The following CNTN4 variants were observed in gnomAD, a reference collection of about 807,000 sequenced individuals.
CNTN4 encodes contactin-4.
A neutral mutation model predicts 122.5 loss-of-function variants in CNTN4; 77 were observed. That is an observed-to-expected ratio of 0.63 (90% CI 0.52 to 0.76). The LOEUF (loss-of-function observed/expected upper bound fraction) is 0.76, where lower values mean the gene tolerates loss of function less well. Among genes scored for constraint, CNTN4 ranks in the 30% least tolerant of loss-of-function variants. The probability of loss-of-function intolerance (pLI) is 0.00; values close to 1 mark genes in which losing one functional copy is unlikely to be tolerated. For missense variants in CNTN4, 1,256 were observed against 1,259.1 expected, an observed-to-expected ratio of 1.00 and a Z score of 0.04; for synonymous variants, 512 against 447.0, an observed-to-expected ratio of 1.15 and a Z score of -1.83.
intron 2 of CNTN4, among the ~76,000 whole-genome samples, chr3:2,215,244 C>CTA (rs2038788764): frequency 6.6e-6 from 1 of 152,132 alleles, no homozygotes; most frequent in South Asian, 2.1e-4. Context: ...AAATGACATG[C>CTA]TATAATACAA....
At chr3:2,823,706 G>T (rs969771289) in intron 7 of CNTN4, among the ~76,000 whole-genome samples, 1 of 152,106 alleles carries the variant, frequency 6.6e-6, no homozygotes, top group Non-Finnish European at 1.5e-5. Flanking sequence ...CGTTAAATAG[G>T]AATAGAACAG....
intron 3 of CNTN4, among the ~76,000 whole-genome samples, chr3:2,549,768 A>G (rs927165538): frequency 7.9e-5 from 12 of 152,100 alleles, no homozygotes; most frequent in Non-Finnish European, 8.8e-5. Flanking sequence ...AGTTTCAGAA[A>G]GAATGGTACT....
intron 3 of CNTN4, among the ~76,000 whole-genome samples, chr3:2,548,956 C>G (rs968872581): frequency 1.3e-5 from 2 of 152,036 alleles, no homozygotes; most frequent in African/African-American, 4.8e-5. Flanking sequence ...TGGGAGTTAA[C>G]TCATGATTTG....
chr3:2,388,771 G>A (rs1158485167), intron 3 of CNTN4, among the ~76,000 whole-genome samples: 1 of 150,254 alleles, frequency 6.7e-6, no homozygotes, highest in Non-Finnish European at 1.5e-5. Context: ...CTTCAACCTG[G>A]GAGGTAGAGG....
At chr3:2,172,726 T>C (rs1190172466) in intron 2 of CNTN4, among the ~76,000 whole-genome samples, 4 of 152,054 alleles carry the variant, frequency 2.6e-5, no homozygotes, top group African/African-American at 9.7e-5. Context: ...CTAGCTGCAG[T>C]GTATAGCAGA....
chr3:2,467,665 A>G (rs956987887), intron 3 of CNTN4, among the ~76,000 whole-genome samples: 8 of 152,236 alleles, frequency 5.3e-5, no homozygotes, highest in Non-Finnish European at 8.8e-5. Context: ...GTAGTTATGC[A>G]CTAATTAATA....
At chr3:2,102,407 A>T (rs1338895732) in intron 2 of CNTN4, among the ~76,000 whole-genome samples, 2 of 152,242 alleles carry the variant, frequency 1.3e-5, no homozygotes, top group African/African-American at 2.4e-5. Context: ...GGGATTAAAC[A>T]TGAGAGCATG....
chr3:2,226,760 G>T (rs1296748658), intron 2 of CNTN4, among the ~76,000 whole-genome samples: 1 of 152,022 alleles, frequency 6.6e-6, no homozygotes, highest in Admixed American at 6.6e-5. Flanking sequence ...CTATGAAAAT[G>T]CAAGTATTAT....
rs542512602 is a variant in CNTN4 at position 2,406,047 on chromosome 3, G to A, written c.-89+66814G>A. Among the ~76,000 whole-genome samples, 5 of 151,328 alleles carry A rather than the reference G, an allele frequency of 3.3e-5. No individual in the cohort carries two copies. The South Asian group carries it at 6.3e-4, about 19-fold the overall frequency. On this transcript the variant is annotated intron_variant, in intron 3 of 24. Transcript: ENST00000418658. ...ATCTTAAAAAAAAGAAAAAAAACAGGGAAAGAGAAAAAAAAAACTATGGTA... is the reference window on the plus strand; with the variant it reads ...ATCTTAAAAAAAAGAAAAAAAACAGAGAAAGAGAAAAAAAAAACTATGGTA...
rs181977811 is a variant in CNTN4 at position 3,037,350 on chromosome 3, G to A, written c.2092+22G>A. 174 of 1,614,100 alleles carry A rather than the reference G, an allele frequency of 1.1e-4. No individual in the cohort carries two copies. In the African/African-American group the frequency reaches 2.0e-3, roughly 19 times the overall value. ...GCTCGTGAGTAGCACCCGAGATTCA[G>A]ATCATCTGTTCTGCCAGCTGCTGTT... On this transcript the variant is annotated intron_variant, in intron 18 of 24. Transcript: ENST00000418658.
Position 2,165,918 on chromosome 3 carries a change from A to G in CNTN4, c.-145+65279A>G, listed in dbSNP as rs554264218. 2.7e-4 allele frequency among the ~76,000 whole-genome samples: 41 copies of G among 152,260 alleles called. 2 individuals are homozygous for G. In the South Asian group the frequency reaches 8.5e-3, roughly 32 times the overall value. On this transcript the variant is annotated intron_variant, in intron 2 of 24. Transcript: ENST00000418658. Reference sequence around the variant, plus strand: ...TGTGGAATATTATATTACTATTAATATTATATGCTATATTTTATATATACC... The same window carrying G: ...TGTGGAATATTATATTACTATTAATGTTATATGCTATATTTTATATATACC...
chr3:2,964,674 C>G (rs1376780295), intron 13 of CNTN4, among the ~76,000 whole-genome samples: 1 of 152,190 alleles, frequency 6.6e-6, no homozygotes, highest in African/African-American at 2.4e-5. Context: ...ATAATAATAG[C>G]AAACACCAGT....
intron 2 of CNTN4, among the ~76,000 whole-genome samples, chr3:2,200,365 C>T (rs969729725): frequency 7.2e-5 from 11 of 152,162 alleles, no homozygotes; most frequent in African/African-American, 2.2e-4. Context: ...ATGGGGATTA[C>T]AGATAAATCA....
intron 7 of CNTN4, among the ~76,000 whole-genome samples, chr3:2,859,357 C>T (rs979839990): frequency 1.3e-5 from 2 of 152,164 alleles, no homozygotes; most frequent in Non-Finnish European, 2.9e-5. Flanking sequence ...ACTAGTGCTA[C>T]AATAAACATG....
intron 8 of CNTN4, among the ~76,000 whole-genome samples, chr3:2,875,821 A>G (rs1481974524): frequency 1.3e-5 from 2 of 152,218 alleles, no homozygotes; most frequent in African/African-American, 4.8e-5. Context: ...ACTTTTTAGT[A>G]GGAAAAACAT....
chr3:2,831,575 C>T (rs1436126302), intron 7 of CNTN4, among the ~76,000 whole-genome samples: 6 of 152,246 alleles, frequency 3.9e-5, no homozygotes, highest in South Asian at 4.2e-4. Flanking sequence ...CATCTCCAGC[C>T]GAAACACACC....
intron 4 of CNTN4, among the ~76,000 whole-genome samples, chr3:2,590,508 C>T (rs553726979): frequency 4.0e-5 from 6 of 151,824 alleles, no homozygotes; most frequent in East Asian, 2.0e-4. Context: ...CTGCCTGCCT[C>T]GCACTTTTCT....
rs1166515821 is a variant in CNTN4 at position 3,030,911 on chromosome 3, A to G, written c.1719A>G (p.Lys573=). The G allele has an allele frequency of 3.7e-6, 6 of 1,614,100 alleles. No individual in the cohort carries two copies. The Admixed American group carries it at 5.0e-5, about 13-fold the overall frequency. The change falls in exon 16 of 25, where the codon AAA becomes AAG. Residue 573 remains lysine, a synonymous_variant. Transcript: ENST00000418658. ...ACATCCAACTGAAGCATGCTGGGAA[A>G]TATGTCTGCATGGTCCAAACAAGTG... is the stretch of plus-strand genomic sequence containing the variant. ...IRNIQLKHAG[K]YVCMVQTSVD...
At chr3:2,586,946 C>T (rs9842323) in intron 4 of CNTN4, among the ~76,000 whole-genome samples, 18,223 of 152,068 alleles carry the variant, frequency 0.12, 1,566 homozygotes, top group South Asian at 0.27. Context: ...TCCTCCTTCC[C>T]TCCTTTGATT....
Sources: gnomAD v4.1 joint callset for allele counts (sites outside exome capture counted in the v4.1 genomes callset) on GRCh38, gnomAD v4.1.1 for gene constraint, MANE v1.5 for transcripts, NCBI Gene and HGNC (gene_info 2026-07-23, HGNC 2026-07-21) for gene names.